The following CCDC194 variants were observed in gnomAD, a reference collection of about 807,000 sequenced individuals.
The protein encoded by CCDC194 is coiled-coil domain-containing protein 194.
A neutral mutation model predicts 4.9 loss-of-function variants in CCDC194; 8 were observed. That is an observed-to-expected ratio of 1.65 (90% confidence interval 0.97 to 2.97). The LOEUF is 2.97. Among genes scored for constraint, CCDC194 ranks in the 30% most tolerant of loss-of-function variants. CCDC194 has a pLI of 0.00. For missense variants in CCDC194, 52 were observed against 43.1 expected (o/e 1.21, Z -0.58); for synonymous variants, 13 against 17.0 (o/e 0.76, Z 0.58).
At chr19:17,392,007 G>A in intron 1 of CCDC194, 161 bp from the exon 2 acceptor site, 1 of 651,360 alleles carries the variant, frequency 1.5e-6, no homozygotes, top group Non-Finnish European at 2.4e-6. Flanking sequence ...TACAGAAGTG[G>A]CTTCTGAAGC....
intron 1 of CCDC194, 30 bp from the exon 2 acceptor site, chr19:17,391,876 T>C: frequency 6.8e-7 from 1 of 1,476,250 alleles, no homozygotes; most frequent in Non-Finnish European, 8.9e-7. Context: ...TGGGAGGGGG[T>C]GTAGGCAGAG....
chr19:17,391,833 G>T (rs1032922500), exon 2 of CCDC194: 15 of 1,532,126 alleles, frequency 9.8e-6, no homozygotes, highest in African/African-American at 8.2e-5. Context: ...CGTTAGTTGG[G>T]TCTGAAGCCG....
At chr19:17,388,170 G>A (rs2074642262), downstream of CCDC194, among the ~76,000 whole-genome samples, 1 of 147,930 alleles carries the variant, frequency 6.8e-6, no homozygotes, top group South Asian at 2.1e-4. Flanking sequence ...ACAGGCGTGA[G>A]CCACCCCCGG....
chr19:17,391,582 G>A, intron 2 of CCDC194, 168 bp downstream of exon 2: 2 of 1,462,956 alleles, frequency 1.4e-6, no homozygotes, highest in South Asian at 1.3e-5. Context: ...CCTTGTTTTT[G>A]TGACATTTGC....
At chr19:17,388,510 C>T (rs2074643611), downstream of CCDC194, among the ~76,000 whole-genome samples, 1 of 151,986 alleles carries the variant, frequency 6.6e-6, no homozygotes, top group Admixed American at 6.6e-5. Flanking sequence ...AGTGATCCTC[C>T]CACCTCAGTC....
intron 2 of CCDC194, 53 bp downstream of exon 2, chr19:17,391,697 A>G (rs2145737339): frequency 6.5e-7 from 1 of 1,535,484 alleles, no homozygotes; most frequent in Non-Finnish European, 8.7e-7. Flanking sequence ...ACTAGGATTC[A>G]CCTAGGCTCC....
chr19:17,389,399 CCA>C, downstream of CCDC194, among the ~76,000 whole-genome samples: 1 of 152,118 alleles, frequency 6.6e-6, no homozygotes, highest in East Asian at 1.9e-4. Flanking sequence ...GATTTTTGAC[CCA>C]TATAAACAGC....
chr19:17,392,896 G>A (rs2074660141), intron 1 of CCDC194, among the ~76,000 whole-genome samples: 1 of 152,154 alleles, frequency 6.6e-6, no homozygotes, highest in Admixed American at 6.6e-5. Flanking sequence ...TGGCCAGGCT[G>A]GTCTCGAACT....
chr19:17,391,100 A>G, intron 3 of CCDC194, 111 bp downstream of exon 3: 1 of 348,890 alleles, frequency 2.9e-6, no homozygotes, highest in Non-Finnish European at 5.0e-6. Context: ...CCCCCCCACC[A>G]CAATTCCACG....
chr19:17,387,727 A>G (rs2074640715), downstream of CCDC194, among the ~76,000 whole-genome samples: 1 of 152,122 alleles, frequency 6.6e-6, no homozygotes, highest in Non-Finnish European at 1.5e-5. Context: ...TCAAAAAGAA[A>G]AAAAAAGAAA....
chr19:17,392,547 G>T (rs1251313643), intron 1 of CCDC194, among the ~76,000 whole-genome samples: 1 of 152,110 alleles, frequency 6.6e-6, no homozygotes, highest in Non-Finnish European at 1.5e-5. Context: ...AATTTTTGGG[G>T]TATGTGTCGG....
At chr19:17,392,065 C>A in intron 1 of CCDC194, 1 of 461,532 alleles carries the variant, frequency 2.2e-6, no homozygotes, top group Non-Finnish European at 3.8e-6. Flanking sequence ...GAGATCTCTG[C>A]CCAGGTCCAA....
At position 17,393,992 on chromosome 19, in the gene CCDC194, G is replaced by A. The variant is rs34466478; in HGVS notation, c.167C>T (p.Thr56Met). The change falls in exon 1 of 4, where the codon ACG becomes ATG. Residue 56 changes from threonine to methionine, a missense_variant. Thr to Met is a moderately conservative substitution (Grantham distance 81, BLOSUM62 -1). Transcript: ENST00000636079. ...AGGCGGCGGGTCCCCGGGCGGCGCC[G>A]TGGCATTGGCCCCTGGCTCCGGGCA... 6.3e-3 allele frequency: 2,483 copies of A among 392,702 alleles called. 10 individuals carry two copies. Among genetic ancestry groups the A allele is most frequent in the Non-Finnish European group, 8.2e-3 (1,811 of 222,200 alleles). The allele number at this position is 392,702 out of a possible 1,614,324, so 24.3% of individuals were successfully genotyped here.
At chr19:17,391,148 G>T (rs924213091) in intron 3 of CCDC194, 63 bp downstream of exon 3, 62 of 392,974 alleles carry the variant, frequency 1.6e-4, no homozygotes, top group African/African-American at 1.0e-3. Flanking sequence ...GCAGCCCTGC[G>T]CAAGCATTGG....
At chr19:17,391,378 T>TCCCCCCCCCCCCCC in intron 2 of CCDC194, 35 bp from the exon 3 acceptor site, 1 of 501,590 alleles carries the variant, frequency 2.0e-6, no homozygotes. Context: ...GGCTGGAGAC[T>TCCCCCCCCCCCCCC]CCCGCGCCCA....
In CCDC194 at chr19:17,391,792, C is replaced by T. The variant is rs2074655693; in HGVS notation, c.379G>A (p.Ala127Thr). The stretch of plus-strand genomic sequence containing the variant: ...TCGGCCCCCATCTGGGTCCCCTGTG[C>T]CTTGGCTTCGTCCATCTCAATCTTC... The change falls in exon 2 of 4, where the codon GCA becomes ACA. Residue 127 changes from alanine to threonine, a missense_variant. Ala to Thr is a moderately conservative substitution (Grantham distance 58). Coordinates refer to ENST00000636079, the Ensembl canonical transcript of CCDC194. The T allele has an allele frequency of 2.6e-6, 4 of 1,535,482 alleles. No homozygotes were observed. In the African/African-American group the frequency reaches 4.1e-5, roughly 16 times the overall value.
intron 1 of CCDC194, among the ~76,000 whole-genome samples, chr19:17,393,357 A>G (rs953895531): frequency 2.0e-5 from 3 of 148,788 alleles, no homozygotes; most frequent in African/African-American, 7.5e-5. Context: ...TATCTGGCAA[A>G]TAGCAAAGGA....
At position 17,391,171 on chromosome 19, in the gene CCDC194, C is replaced by G. The variant is rs552732436; in HGVS notation, c.554+40G>C. On this transcript the variant is annotated intron_variant, in intron 3 of 3. Coordinates refer to ENST00000636079, the Ensembl canonical transcript of CCDC194. ...GCGCAAGCATTGGTCGCGCCCTCCC[C>G]GTCCATCCGACCCCGCCCTCGGGCC... 3.1e-3 allele frequency: 1,233 copies of G among 396,950 alleles called. 4 individuals carry two copies. Among genetic ancestry groups the G allele is most frequent in the Non-Finnish European group, 4.5e-3 (1,007 of 225,034 alleles). The allele number at this position is 396,950 out of a possible 1,614,324, so 24.6% of individuals were successfully genotyped here.
chr19:17,387,730 AAAAG>A (rs955426992), downstream of CCDC194, among the ~76,000 whole-genome samples: 27 of 152,176 alleles, frequency 1.8e-4, no homozygotes, highest in East Asian at 5.8e-4. Context: ...AAAAGAAAAA[AAAAG>A]AAAGAAAGAA....
Sources: gnomAD v4.1 joint callset for allele counts (sites outside exome capture counted in the v4.1 genomes callset) on GRCh38, gnomAD v4.1.1 for gene constraint, MANE v1.5 for transcripts, NCBI Gene and HGNC (gene_info 2026-07-23, HGNC 2026-07-21) for gene names.